DNAI4: variants seen among roughly 807,000 people sequenced by gnomAD.
DNAI4 encodes WD repeat domain 78.
In DNAI4, 85 loss-of-function variants were observed where a neutral mutation model predicts 105.8. The observed-to-expected ratio is 0.80, with a 90% confidence interval of 0.67 to 0.96. DNAI4 has a LOEUF of 0.96. Among genes scored for constraint, DNAI4 ranks in the 40% least tolerant of loss-of-function variants. The pLI, the probability that DNAI4 is intolerant of heterozygous loss-of-function variation, is 0.00. For missense variants in DNAI4, 1,014 were observed against 1,005.6 expected (o/e 1.01, Z -0.11); for synonymous variants, 352 against 331.5 (o/e 1.06, Z -0.67).
At chr1:66,865,199 G>C (rs1472828982) in intron 6 of DNAI4, among the ~76,000 whole-genome samples, 1 of 152,164 alleles carries the variant, frequency 6.6e-6, no homozygotes, top group Non-Finnish European at 1.5e-5. Context: ...GAGGCAGGCA[G>C]ATCACTTGAG....
intron 16 of DNAI4, among the ~76,000 whole-genome samples, chr1:66,814,876 G>T (rs553275630): frequency 7.2e-5 from 11 of 152,096 alleles, no homozygotes; most frequent in African/African-American, 2.7e-4. Flanking sequence ...TGTGGGTTTT[G>T]TTATTTTTCA....
At chr1:66,894,849 T>C (rs1439768948) in intron 2 of DNAI4, among the ~76,000 whole-genome samples, 1 of 152,176 alleles carries the variant, frequency 6.6e-6, no homozygotes, top group African/African-American at 2.4e-5. Context: ...GTGTTTCCAC[T>C]GAGTTTTTAT....
chr1:66,815,186 A>G (rs12725312), intron 16 of DNAI4, among the ~76,000 whole-genome samples: 71,921 of 151,974 alleles, frequency 0.47, 17,621 homozygotes, highest in South Asian at 0.6. Flanking sequence ...TCTAACCTTA[A>G]TATGTTTCTC....
intron 13 of DNAI4, chr1:66,828,318 T>G (rs770960125): frequency 3.3e-5 from 5 of 152,296 alleles, no homozygotes; most frequent in African/African-American, 4.8e-5. Context: ...TCAAACTACA[T>G]GATATTGAAA....
intron 8 of DNAI4, among the ~76,000 whole-genome samples, chr1:66,846,612 T>C (rs1646281585): frequency 6.6e-6 from 1 of 152,230 alleles, no homozygotes; most frequent in African/African-American, 2.4e-5. Flanking sequence ...TGTGGCCATA[T>C]TGCAGATATC....
At chr1:66,887,796 T>G (rs897818138) in intron 4 of DNAI4, among the ~76,000 whole-genome samples, 1 of 151,840 alleles carries the variant, frequency 6.6e-6, no homozygotes, top group Non-Finnish European at 1.5e-5. Context: ...CTGTCTCTAC[T>G]AAAAATACAA....
intron 6 of DNAI4, among the ~76,000 whole-genome samples, chr1:66,868,255 A>G (rs1392678385): frequency 6.6e-6 from 1 of 152,158 alleles, no homozygotes; most frequent in African/African-American, 2.4e-5. Context: ...ATGTTTTGTT[A>G]ACCTTGTTTT....
chr1:66,893,447 A>G (rs771910292), intron 2 of DNAI4, 34 bp from the exon 3 acceptor site: 7 of 1,402,070 alleles, frequency 5.0e-6, no homozygotes, highest in Non-Finnish European at 6.6e-6. Flanking sequence ...TGAAATAACT[A>G]AAAAAGACAG....
At chr1:66,866,051 C>T (rs1195433859) in intron 6 of DNAI4, among the ~76,000 whole-genome samples, 2 of 151,954 alleles carry the variant, frequency 1.3e-5, no homozygotes, top group African/African-American at 2.4e-5. Flanking sequence ...GCTCATGTCT[C>T]ATCCCAGCAC....
chr1:66,918,918 T>C (rs1342614395), intron 1 of DNAI4: 2 of 177,106 alleles, frequency 1.1e-5, no homozygotes, highest in South Asian at 1.0e-4. Flanking sequence ...CTATTAAATG[T>C]CATCCCTCTG....
intron 13 of DNAI4, among the ~76,000 whole-genome samples, chr1:66,829,310 A>G (rs1229116190): frequency 6.6e-6 from 1 of 152,218 alleles, no homozygotes; most frequent in African/African-American, 2.4e-5. Flanking sequence ...ACCCAATTAT[A>G]TGCTACCTAC....
At chr1:66,858,292 G>C (rs1002160180) in intron 7 of DNAI4, among the ~76,000 whole-genome samples, 1 of 151,238 alleles carries the variant, frequency 6.6e-6, no homozygotes, top group African/African-American at 2.4e-5. Context: ...CACTTTGGGA[G>C]GCCGAGGCCG....
rs71058479 is a variant in DNAI4 at position 66,892,950 on chromosome 1, GAAGAAAGAAAGAAAGA to G, written c.530+263_530+278del. 7.9e-3 allele frequency among the ~76,000 whole-genome samples: 722 copies of G among 91,968 alleles called. 19 individuals carry two copies. The highest frequency in any genetic ancestry group is 0.03 in the African/African-American group (617 of 20,520). 60.3% of individuals were successfully genotyped at this position (91,968 alleles called of 152,430 possible). A position where few individuals can be genotyped will look rare whatever the true frequency, so the allele number is the denominator to read the frequency against. ...AGAAAGAGAAGAAAGAGAAGAAAGAGAAGAAAGAAAGAAAGAAAGAAAGAAAGAAAGAAAGAAAGAA... is the reference window on the plus strand; with the variant it reads ...AGAAAGAGAAGAAAGAGAAGAAAGAGAAGAAAGAAAGAAAGAAAGAAAGAA... On this transcript the variant is annotated intron_variant, in intron 3 of 16. Coordinates refer to ENST00000371026, the MANE Select transcript of DNAI4 (RefSeq NM_024763.5).
rs868315596 is a variant in DNAI4, at chr1:66,833,662, C to CT, written c.1935dup (p.Gly646ArgfsTer9). 2 of 1,613,206 alleles carry CT rather than the reference C, an allele frequency of 1.2e-6. No individual in the cohort carries two copies. The highest frequency in any genetic ancestry group is 2.7e-5 in the African/African-American group (2 of 74,878). On this transcript the variant is annotated frameshift_variant, in exon 13 of 17. Coordinates refer to ENST00000371026, the MANE Select transcript of DNAI4 (RefSeq NM_024763.5). LOFTEE classifies it high-confidence loss of function. ...TCATCTTTCTTTTCCTTTTCCCCTC[C>CT]TTTTTTGTTACTGGCAGCTGTAGTT...
chr1:66,908,204 T>C (rs1305991948), intron 1 of DNAI4, among the ~76,000 whole-genome samples: 1 of 152,222 alleles, frequency 6.6e-6, no homozygotes, highest in East Asian at 1.9e-4. Flanking sequence ...CTGACCTACA[T>C]GCATGGGTCA....
In DNAI4 at chr1:66,847,469, AT is replaced by A. The variant is rs745762570; in HGVS notation, c.1291+14del. On this transcript the variant is annotated intron_variant, in intron 8 of 16. Transcript: ENST00000371026. ...AACTGCACCCAGCCTAAACATGTTT[AT>A]TTTTTTTAAATACCTTTTAAAACAG... is the stretch of plus-strand genomic sequence containing the variant. 18 of 1,607,178 alleles carry A rather than the reference AT, an allele frequency of 1.1e-5. No homozygotes were observed. Among genetic ancestry groups the A allele is most frequent in the South Asian group, 1.0e-4 (9 of 90,086 alleles).
chr1:66,862,053 A>C, intron 7 of DNAI4, 94 bp downstream of exon 7: 1 of 1,224,386 alleles, frequency 8.2e-7, no homozygotes, highest in South Asian at 1.6e-5. Flanking sequence ...TTCATGGTCC[A>C]TTAGAAAGAA....
chr1:66,897,981 C>T (rs751185985), intron 2 of DNAI4, among the ~76,000 whole-genome samples: 1 of 152,126 alleles, frequency 6.6e-6, no homozygotes, highest in Non-Finnish European at 1.5e-5. Flanking sequence ...CCTGGGAGAG[C>T]TATACTGTAG....
At chr1:66,837,237 A>C (rs1646044236) in intron 10 of DNAI4, among the ~76,000 whole-genome samples, 1 of 151,734 alleles carries the variant, frequency 6.6e-6, no homozygotes, top group Non-Finnish European at 1.5e-5. Flanking sequence ...GGTGGTGTGC[A>C]CCTGTAGTCC....
Sources: allele counts gnomAD v4.1 joint callset (sites outside exome capture counted in the v4.1 genomes callset), GRCh38; gene constraint gnomAD v4.1.1; transcripts MANE v1.5; gene names NCBI Gene and HGNC (gene_info 2026-07-23, HGNC 2026-07-21).